The following ATG10 variants were observed in gnomAD, a reference collection of about 807,000 sequenced individuals.
ATG10 encodes the protein autophagy related 10.
In ATG10, 30 loss-of-function variants were observed where a neutral mutation model predicts 32.1. That is an observed-to-expected ratio of 0.94 (90% CI 0.70 to 1.27). The LOEUF (loss-of-function observed/expected upper bound fraction) is 1.27. Ranked by LOEUF, ATG10 falls within the 50% of genes most tolerant of loss-of-function variation. The pLI is 0.00. For synonymous variants in ATG10, 87 were observed against 91.5 expected (o/e 0.95, Z 0.28); for missense variants, 233 against 262.3 (o/e 0.89, Z 0.77).
At chr5:82,008,848 ATATTT>A (rs1167260621) in intron 2 of ATG10, among the ~76,000 whole-genome samples, 3 of 152,226 alleles carry the variant, frequency 2.0e-5, no homozygotes, top group Non-Finnish European at 4.4e-5. Flanking sequence ...CTAGACATAT[ATATTT>A]TATTTGTTTA....
At chr5:81,994,426 A>C (rs1219503799) in intron 2 of ATG10, among the ~76,000 whole-genome samples, 5 of 152,224 alleles carry the variant, frequency 3.3e-5, no homozygotes, top group Non-Finnish European at 5.9e-5. Flanking sequence ...AGGGATTATA[A>C]AGCTTGATGA....
At chr5:81,993,360 C>CTTCCTTCTTTCTTTTCTTTTCTT (rs1761535147) in intron 2 of ATG10, among the ~76,000 whole-genome samples, 1 of 46,772 alleles carries the variant, frequency 2.1e-5, no homozygotes, top group South Asian at 8.0e-4. Context: ...TCTTTCTTTC[C>CTTCCTTCTTTCTTTTCTTTTCTT]TTCTTTTCTT....
At chr5:82,136,109 T>G (rs1766730905) in intron 3 of ATG10, among the ~76,000 whole-genome samples, 1 of 152,214 alleles carries the variant, frequency 6.6e-6, no homozygotes, top group Non-Finnish European at 1.5e-5. Context: ...ATTTTGAGCC[T>G]ATGTGTGTCT....
intron 1 of ATG10, among the ~76,000 whole-genome samples, chr5:81,975,047 C>T (rs1245651125): frequency 6.6e-6 from 1 of 152,122 alleles, no homozygotes; most frequent in Non-Finnish European, 1.5e-5. Context: ...AGCTGTGTTA[C>T]CTTGGACAAG....
At chr5:82,124,301 C>CTT (rs766690861) in intron 3 of ATG10, among the ~76,000 whole-genome samples, 22 of 138,524 alleles carry the variant, frequency 1.6e-4, no homozygotes, top group Admixed American at 7.2e-4. Flanking sequence ...CTGCCCTTGG[C>CTT]TTTTTTTTTT....
intron 5 of ATG10, among the ~76,000 whole-genome samples, chr5:82,181,324 G>A (rs1311492809): frequency 1.3e-5 from 2 of 152,034 alleles, no homozygotes; most frequent in Admixed American, 6.6e-5. Context: ...AGTGCGTGTC[G>A]AGGCATTACA....
chr5:82,242,957 T>G, intron 5 of ATG10: 1 of 349,454 alleles, frequency 2.9e-6, no homozygotes. Flanking sequence ...AATACCTACT[T>G]TCTGGGGTTA....
At chr5:81,980,955 A>G (rs1483006088) in intron 1 of ATG10, among the ~76,000 whole-genome samples, 1 of 152,196 alleles carries the variant, frequency 6.6e-6, no homozygotes, top group Non-Finnish European at 1.5e-5. Flanking sequence ...AGCCTCAGCT[A>G]CCAACAGAGA....
chr5:81,987,746 TGACA>T, intron 2 of ATG10, 68 bp downstream of exon 2: 1 of 1,246,146 alleles, frequency 8.0e-7, no homozygotes, highest in Non-Finnish European at 1.2e-6. Flanking sequence ...TTTGGTTTGT[TGACA>T]GGTAAAACCT....
At chr5:82,166,074 AGC>A (rs1321086636) in intron 4 of ATG10, among the ~76,000 whole-genome samples, 1 of 152,186 alleles carries the variant, frequency 6.6e-6, no homozygotes, top group Non-Finnish European at 1.5e-5. Flanking sequence ...CCTGCTGATG[AGC>A]TCATATGTGT....
At chr5:82,035,436 G>GA (rs1324741516) in intron 2 of ATG10, among the ~76,000 whole-genome samples, 4 of 152,150 alleles carry the variant, frequency 2.6e-5, no homozygotes, top group African/African-American at 9.7e-5. Context: ...GAACGAGTGA[G>GA]AAATTGGAGA....
chr5:82,029,888 G>A (rs985741601), intron 2 of ATG10, among the ~76,000 whole-genome samples: 1 of 152,156 alleles, frequency 6.6e-6, no homozygotes, highest in African/African-American at 2.4e-5. Context: ...ACCTTGGTTA[G>A]TAATAGTACC....
At chr5:81,985,899 A>T (rs536814723) in intron 1 of ATG10, among the ~76,000 whole-genome samples, 49 of 152,202 alleles carry the variant, frequency 3.2e-4, no homozygotes, top group Non-Finnish European at 6.0e-4. Flanking sequence ...AGTAGCTGGG[A>T]CTACAGGCGC....
chr5:82,149,980 G>A (rs1343934980), intron 3 of ATG10, among the ~76,000 whole-genome samples: 1 of 152,108 alleles, frequency 6.6e-6, no homozygotes, highest in Non-Finnish European at 1.5e-5. Flanking sequence ...TGAGTTAGAA[G>A]TTGAGGTTCT....
chr5:82,119,166 G>T (rs914865568), intron 3 of ATG10, among the ~76,000 whole-genome samples: 2 of 152,062 alleles, frequency 1.3e-5, no homozygotes, highest in African/African-American at 2.4e-5. Flanking sequence ...AAAGCCTTAA[G>T]ATTGTTTATT....
intron 3 of ATG10, among the ~76,000 whole-genome samples, chr5:82,083,822 T>A (rs962193310): frequency 2.6e-5 from 4 of 152,154 alleles, no homozygotes; most frequent in Non-Finnish European, 5.9e-5. Flanking sequence ...ACCCCATCTG[T>A]ATGTCACCAT....
intron 4 of ATG10, among the ~76,000 whole-genome samples, chr5:82,169,090 G>GGACC (rs1743697354): frequency 6.6e-6 from 1 of 152,084 alleles, no homozygotes; most frequent in Non-Finnish European, 1.5e-5. Flanking sequence ...GAACAGTGAA[G>GGACC]GACCAGTTTG....
chr5:82,139,144 C>A (rs1441203129), intron 3 of ATG10, among the ~76,000 whole-genome samples: 2 of 145,080 alleles, frequency 1.4e-5, no homozygotes, highest in Non-Finnish European at 3.0e-5. Context: ...TCACTCAGTG[C>A]TCAATGGTGC....
chr5:82,102,709 A>G (rs940182483), intron 3 of ATG10, among the ~76,000 whole-genome samples: 1 of 152,186 alleles, frequency 6.6e-6, no homozygotes, highest in Non-Finnish European at 1.5e-5. Context: ...ATATATTTTC[A>G]AGGCATGCTT....
Sources: gnomAD v4.1 joint callset for allele counts (sites outside exome capture counted in the v4.1 genomes callset) on GRCh38, gnomAD v4.1.1 for gene constraint, MANE v1.5 for transcripts, NCBI Gene and HGNC (gene_info 2026-07-23, HGNC 2026-07-21) for gene names.